Variants in ASXL3 observed in about 807,000 individuals in gnomAD.
The protein encoded by ASXL3 is ASXL transcriptional regulator 3, also known as putative Polycomb group protein ASXL3.
ASXL3 carries 34 observed loss-of-function variants against 170.6 expected under a neutral mutation model. That is an observed-to-expected ratio of 0.20 (90% CI 0.15 to 0.27). ASXL3 has a LOEUF of 0.27. Ranked by LOEUF, ASXL3 falls within the 10% of genes least tolerant of loss-of-function variation. The probability of loss-of-function intolerance (pLI) is 1.00; values close to 1 mark genes in which losing one functional copy is unlikely to be tolerated. For missense variants in ASXL3, 2,592 were observed against 2,695.3 expected, an observed-to-expected ratio of 0.96 and a Z score of 0.85; for synonymous variants, 1,002 against 989.1, an observed-to-expected ratio of 1.01 and a Z score of -0.24.
Position 33,746,217 on chromosome 18 carries a change from T to C in ASXL3, c.6369T>C (p.Ser2123=), listed in dbSNP as rs773495553. The C allele has an allele frequency of 1.2e-6, 2 of 1,613,972 alleles. No individual in the cohort carries two copies. Among genetic ancestry groups the C allele is most frequent in the East Asian group, 4.5e-5 (2 of 44,872 alleles). Residue 2123 remains serine, a synonymous_variant, in exon 12 of 12, where the codon TCT becomes TCC. Transcript: ENST00000269197. ...KAFALKSADF[S]SYLLSEPQKP... is the part of the protein sequence containing the mutation. ...TCGCGCTAAAAAGTGCAGATTTCTC[T>C]TCCTATTTGCTTTCTGAGCCACAAA...
chr18:33,699,552 C>T (rs2066834366), intron 8 of ASXL3, among the ~76,000 whole-genome samples: 1 of 152,086 alleles, frequency 6.6e-6, no homozygotes, highest in Non-Finnish European at 1.5e-5. Flanking sequence ...ATGTGGTTCA[C>T]TGGTGATCTT....
rs980478638 is a variant in ASXL3 at position 33,747,264 on chromosome 18, G to A, written c.*669G>A. 1 of 152,118 alleles carries A rather than the reference G, an allele frequency of 6.6e-6. No individual in the cohort carries two copies. Among genetic ancestry groups the A allele is most frequent in the African/African-American group, 2.4e-5 (1 of 41,408 alleles). 9.4% of individuals were successfully genotyped at this position (152,118 alleles called of 1,614,324 possible). A position where few individuals can be genotyped will look rare whatever the true frequency, so the allele number is the denominator to read the frequency against. ...TTTTGTACACATATTGTAGTGAAAT[G>A]TGTCCTACATCTGAAATTGCATGGG... On this transcript the variant is annotated 3_prime_UTR_variant, in exon 12 of 12. Transcript: ENST00000269197.
At chr18:33,627,158 A>G (rs1035747811) in intron 2 of ASXL3, 2 of 152,384 alleles carry the variant, frequency 1.3e-5, no homozygotes, top group African/African-American at 2.4e-5. Flanking sequence ...TTCCCCTGTC[A>G]TTTAGTGGGC....
At chr18:33,703,101 C>G (rs964542612) in intron 8 of ASXL3, among the ~76,000 whole-genome samples, 8 of 152,142 alleles carry the variant, frequency 5.3e-5, no homozygotes, top group Admixed American at 1.3e-4. Flanking sequence ...CTGGTTCTCT[C>G]TGGTACATTA....
rs371631443 is a variant in ASXL3 at position 33,744,838 on chromosome 18, G to A, written c.4990G>A (p.Val1664Ile). 34 of 1,613,926 alleles carry A rather than the reference G, an allele frequency of 2.1e-5. No individual in the cohort carries two copies. The African/African-American group carries it at 2.9e-4, about 14-fold the overall frequency. The stretch of plus-strand genomic sequence containing the variant: ...TCATCCCAGGAATCTTGTAACAAAT[G>A]TTGCTCTTCCTGTGAAATCTGAACT... ...ELHPRNLVTNVALPVKSELHE... is the reference protein window; with the variant it reads ...ELHPRNLVTNIALPVKSELHE... Residue 1664 changes from valine (V) to isoleucine (I), a missense_variant, in exon 12 of 12, where the codon GTT (valine) becomes ATT (isoleucine). Val to Ile is a conservative substitution (Grantham distance 29, BLOSUM62 3). This residue lies in a region of ASXL3 where 2,246 missense variants were observed against 2,219.6 expected (regional missense o/e 1.01). Coordinates refer to ENST00000269197, the MANE Select transcript of ASXL3 (RefSeq NM_030632.3).
intron 2 of ASXL3, among the ~76,000 whole-genome samples, chr18:33,641,404 AC>A (rs1171112353): frequency 6.6e-6 from 1 of 151,688 alleles, no homozygotes; most frequent in East Asian, 1.9e-4. Context: ...AGGGGGAAAA[AC>A]AAACAAGTAG....
chr18:33,586,751 A>G (rs1327190201), intron 1 of ASXL3, among the ~76,000 whole-genome samples: 1 of 152,090 alleles, frequency 6.6e-6, no homozygotes, highest in Non-Finnish European at 1.5e-5. Flanking sequence ...TGAATTTTAG[A>G]ATTTTGTTAA....
rs1405331386 is a variant in ASXL3 at position 33,683,398 on chromosome 18, A to G, written c.716-7A>G. The stretch of plus-strand genomic sequence containing the variant: ...GTAAATTCATGCCTCTTGCTTGTTC[A>G]TCACAGGGCACTTGAAATGGACCAA... On this transcript the variant is annotated splice_polypyrimidine_tract_variant and splice_region_variant and intron_variant, in intron 7 of 11. Transcript: ENST00000269197. 5 of 1,607,038 alleles carry G rather than the reference A, an allele frequency of 3.1e-6. No homozygotes were observed. In the African/African-American group the frequency reaches 5.4e-5, roughly 17 times the overall value.
At chr18:33,717,806 A>G (rs554115037) in intron 8 of ASXL3, among the ~76,000 whole-genome samples, 1 of 152,264 alleles carries the variant, frequency 6.6e-6, no homozygotes, top group African/African-American at 2.4e-5. Context: ...AGAAATTAAA[A>G]TAATACCAAA....
At position 33,751,176 on chromosome 18, in the gene ASXL3, TAAAG is replaced by T. The variant is rs1183558940; in HGVS notation, c.*4585_*4588del. The T allele has an allele frequency of 1.3e-5, 2 of 152,146 alleles. No homozygotes were observed. The highest frequency in any genetic ancestry group is 2.4e-5 in the African/African-American group (1 of 41,440). The allele number at this position is 152,146 out of a possible 1,614,324, so 9.4% of individuals were successfully genotyped here. A position where few individuals can be genotyped will look rare whatever the true frequency, so the allele number is the denominator to read the frequency against. On this transcript the variant is annotated 3_prime_UTR_variant, in exon 12 of 12. Coordinates refer to ENST00000269197, the MANE Select transcript of ASXL3 (RefSeq NM_030632.3). Reference sequence around the variant, plus strand: ...CAATATTAAGATATTCTGGAGAAAATAAAGAAATTAAACATGAAATAATTGTCAT... The same window carrying T: ...CAATATTAAGATATTCTGGAGAAAATAAATTAAACATGAAATAATTGTCAT...
Position 33,671,847 on chromosome 18 carries a change from AT to A in ASXL3, c.698del (p.Leu233Ter). ...AACAAACAAGTCAGCACTTAAAACG[AT>A]TAAAAAAGTCTGGTTTAGGTGAGTG... ...GKQTSQHLKR[L>X]KKSGLGHLKW... On this transcript the variant is annotated frameshift_variant, in exon 7 of 12. Coordinates refer to ENST00000269197, the MANE Select transcript of ASXL3 (RefSeq NM_030632.3). LOFTEE classifies it high-confidence loss of function. The A allele has an allele frequency of 6.2e-7, 1 of 1,609,034 alleles. No individual in the cohort carries two copies. Among genetic ancestry groups the A allele is most frequent in the Non-Finnish European group, 8.5e-7 (1 of 1,177,736 alleles).
Position 33,670,677 on chromosome 18 carries a change from T to G in ASXL3, c.482T>G (p.Leu161Trp). Residue 161 changes from leucine (L) to tryptophan (W), a missense_variant, in exon 6 of 12, where the codon TTG (leucine) becomes TGG (tryptophan). Leu to Trp is a moderately conservative substitution (Grantham distance 61). Around this residue, in one of 4 missense-constraint regions of ASXL3, gnomAD observed 251 missense variants for 281.9 expected, o/e 0.89. Coordinates refer to ENST00000269197, the MANE Select transcript of ASXL3 (RefSeq NM_030632.3). The stretch of plus-strand genomic sequence containing the variant: ...TCTTTTTATTATGTTTTGTAGGCTT[T>G]GAGGCAGCAGCAGAAAAGAAGAAAT... ...QHTKKALKQA[L>W]RQQQKRRNGV... 2.6e-6 allele frequency: 4 copies of G among 1,554,046 alleles called. No homozygotes were observed. The highest frequency in any genetic ancestry group is 3.5e-6 in the Non-Finnish European group (4 of 1,148,362).
intron 8 of ASXL3, among the ~76,000 whole-genome samples, chr18:33,687,140 A>C (rs1378204113): frequency 6.6e-6 from 1 of 152,198 alleles, no homozygotes; most frequent in African/African-American, 2.4e-5. Flanking sequence ...TAACTTAAGA[A>C]AGAGAAGCTT....
At chr18:33,628,363 G>A (rs907046120) in intron 2 of ASXL3, among the ~76,000 whole-genome samples, 1 of 152,106 alleles carries the variant, frequency 6.6e-6, no homozygotes, top group Non-Finnish European at 1.5e-5. Flanking sequence ...AGAAGAAAAT[G>A]ATGGTTAGGA....
chr18:33,653,955 T>G (rs2145216667), intron 4 of ASXL3, among the ~76,000 whole-genome samples: 1 of 152,140 alleles, frequency 6.6e-6, no homozygotes, highest in African/African-American at 2.4e-5. Context: ...TTTCAAACAT[T>G]ACTTACAGAC....
In ASXL3 at chr18:33,746,071, A is replaced by G. The variant is rs767680553; in HGVS notation, c.6223A>G (p.Ile2075Val). The G allele has an allele frequency of 5.6e-6, 9 of 1,613,238 alleles. No homozygotes were observed. The East Asian group carries it at 2.0e-4, about 36-fold the overall frequency. Reference protein sequence around the residue: ...KRLSWPQSTGICSNIKSEPLS... With the variant: ...KRLSWPQSTGVCSNIKSEPLS... ...ACTTAGTTGGCCACAGTCCACGGGC[A>G]TATGTAGCAATATAAAATCGGAACC... is the stretch of plus-strand genomic sequence containing the variant. The change falls in exon 12 of 12, where the codon ATA (isoleucine) becomes GTA (valine). Residue 2075 changes from isoleucine to valine, a missense_variant. Around this residue, in one of 4 missense-constraint regions of ASXL3, gnomAD observed 2,246 missense variants for 2,219.6 expected, o/e 1.01. Transcript: ENST00000269197.
intron 2 of ASXL3, among the ~76,000 whole-genome samples, chr18:33,628,942 C>G (rs1346816549): frequency 1.3e-5 from 2 of 152,080 alleles, no homozygotes; most frequent in Non-Finnish European, 2.9e-5. Context: ...ATCGCTGTCT[C>G]TCATCATTAC....
At chr18:33,705,581 A>G (rs73955182) in intron 8 of ASXL3, among the ~76,000 whole-genome samples, 3,353 of 151,914 alleles carry the variant, frequency 0.022, 62 homozygotes, top group South Asian at 0.1. Context: ...GACCCACATT[A>G]TATTCAACAA....
chr18:33,701,054 T>A (rs934959095), intron 8 of ASXL3, among the ~76,000 whole-genome samples: 2 of 152,062 alleles, frequency 1.3e-5, no homozygotes, highest in Admixed American at 1.3e-4. Context: ...TTTGTCTTTT[T>A]TTTTTAAAAG....
Sources: allele counts gnomAD v4.1 joint callset (sites outside exome capture counted in the v4.1 genomes callset), GRCh38; gene constraint gnomAD v4.1.1; regional missense constraint gnomAD v4.1.1; transcripts MANE v1.5; gene names NCBI Gene and HGNC (gene_info 2026-07-23, HGNC 2026-07-21).